Variants in R3HDM1 observed in about 807,000 individuals in gnomAD.
R3HDM1 encodes the protein R3H domain-containing protein 1.
In R3HDM1, 46 loss-of-function variants were observed where a neutral mutation model predicts 141.1. The observed-to-expected ratio is 0.33, with a 90% CI of 0.26 to 0.42. R3HDM1 has a LOEUF of 0.42. Among genes scored for constraint, R3HDM1 ranks in the 10% least tolerant of loss-of-function variants. The pLI is 1.00. For synonymous variants in R3HDM1, 435 were observed against 472.9 expected (o/e 0.92, Z 1.04); for missense variants, 1,184 against 1,368.3 (o/e 0.87, Z 2.12).
At chr2:135,587,665 AT>A in intron 1 of R3HDM1, among the ~76,000 whole-genome samples, 1 of 152,180 alleles carries the variant, frequency 6.6e-6, no homozygotes, top group Non-Finnish European at 1.5e-5. Flanking sequence ...AAAAGAAAAA[AT>A]TAAAATAAGC....
At chr2:135,534,674 C>T (rs1260268772) in intron 1 of R3HDM1, among the ~76,000 whole-genome samples, 1 of 152,150 alleles carries the variant, frequency 6.6e-6, no homozygotes, top group Admixed American at 6.5e-5. Context: ...ATATGGTGGG[C>T]CTCCGAAGTC....
intron 3 of R3HDM1, among the ~76,000 whole-genome samples, chr2:135,614,815 CTTT>C (rs139013636): frequency 6.7e-6 from 1 of 149,306 alleles, no homozygotes; most frequent in East Asian, 1.9e-4. Flanking sequence ...TTTTCTCTCT[CTTT>C]TTTTTTTCCT....
intron 1 of R3HDM1, among the ~76,000 whole-genome samples, chr2:135,553,726 C>T (rs879705564): frequency 6.6e-6 from 1 of 152,240 alleles, no homozygotes; most frequent in African/African-American, 2.4e-5. Context: ...GAGTCTCACT[C>T]TGTCGCCCAG....
chr2:135,673,643 T>G (rs535946627), intron 19 of R3HDM1, among the ~76,000 whole-genome samples: 1 of 152,316 alleles, frequency 6.6e-6, no homozygotes, highest in Admixed American at 6.5e-5. Context: ...TATCAATCAC[T>G]TTATTACAGA....
intron 1 of R3HDM1, among the ~76,000 whole-genome samples, chr2:135,598,174 G>A (rs1006251929): frequency 3.9e-5 from 6 of 152,096 alleles, no homozygotes; most frequent in Admixed American, 2.0e-4. Flanking sequence ...CCTTCTCATT[G>A]TTCCTTAGCC....
At chr2:135,607,890 T>G (rs1369644232) in intron 3 of R3HDM1, 3 of 981,974 alleles carry the variant, frequency 3.1e-6, no homozygotes, top group Non-Finnish European at 3.6e-6. Context: ...ATGGGTATGG[T>G]CTTTGACCTC....
chr2:135,635,840 AT>A lies in R3HDM1; in HGVS notation c.699-48del, dbSNP rs1283573662. 6 of 1,532,068 alleles carry A rather than the reference AT, an allele frequency of 3.9e-6. No individual in the cohort carries two copies. In the African/African-American group the frequency reaches 5.6e-5, roughly 14 times the overall value. 94.9% of individuals were successfully genotyped at this position (1,532,068 alleles called of 1,614,324 possible). On this transcript the variant is annotated intron_variant, in intron 9 of 26. Transcript: ENST00000683871. ...TGTTATGTTTAACTTCTTTGCTAAT[AT>A]TGTTCATTATCTTTTCCTGTTCCTT...
intron 1 of R3HDM1, 110 bp from the exon 2 acceptor site, chr2:135,602,390 T>C (rs947775835): frequency 5.2e-6 from 4 of 767,316 alleles, no homozygotes; most frequent in Non-Finnish European, 7.1e-6. Flanking sequence ...TTTAGGAAAA[T>C]AATGTAATAA....
At chr2:135,645,334 A>G (rs756945614) in intron 15 of R3HDM1, 45 bp from the exon 16 acceptor site, 1 of 1,505,212 alleles carries the variant, frequency 6.6e-7, no homozygotes, top group Non-Finnish European at 9.1e-7. Flanking sequence ...CCTATTTTCC[A>G]CCTGTATTCT....
Position 135,656,012 on chromosome 2 carries a change from T to C in R3HDM1, c.2028+3980T>C, listed in dbSNP as rs1038001685. ...GATGTTTTTTCGTTTACTCTGGTCA[T>C]CATTGATTTCATATTCTATTGTTTT... On this transcript the variant is annotated intron_variant, in intron 18 of 26. Coordinates refer to ENST00000683871, the MANE Select transcript of R3HDM1 (RefSeq NM_001378107.1). 2.2e-4 allele frequency among the ~76,000 whole-genome samples: 34 copies of C among 152,342 alleles called. No individual in the cohort carries two copies. In the East Asian group the frequency reaches 6.5e-3, roughly 29 times the overall value.
chr2:135,666,032 T>C (rs928958626), intron 19 of R3HDM1, among the ~76,000 whole-genome samples: 1 of 152,228 alleles, frequency 6.6e-6, no homozygotes, highest in Non-Finnish European at 1.5e-5. Flanking sequence ...ATGTATTATA[T>C]CTTTAGTCTT....
At chr2:135,653,927 T>C (rs1375368402) in intron 18 of R3HDM1, among the ~76,000 whole-genome samples, 1 of 152,176 alleles carries the variant, frequency 6.6e-6, no homozygotes, top group East Asian at 1.9e-4. Context: ...TGTTCAGGGT[T>C]CTTTTGTGGG....
intron 18 of R3HDM1, among the ~76,000 whole-genome samples, chr2:135,657,318 G>T (rs376160080): frequency 6.6e-6 from 1 of 151,498 alleles, no homozygotes; most frequent in Non-Finnish European, 1.5e-5. Context: ...GACTGAGGCA[G>T]GATAATTGCT....
chr2:135,675,626 C>A, intron 20 of R3HDM1, 140 bp downstream of exon 20: 1 of 877,950 alleles, frequency 1.1e-6, no homozygotes, highest in Non-Finnish European at 1.6e-6. Flanking sequence ...ACAGGAAAAA[C>A]ACTTCTGTAA....
intron 19 of R3HDM1, among the ~76,000 whole-genome samples, chr2:135,673,696 C>G (rs1486114107): frequency 2.6e-5 from 4 of 152,280 alleles, no homozygotes; most frequent in African/African-American, 9.6e-5. Context: ...CAAAGTTAGA[C>G]TGGTGAGAAG....
intron 23 of R3HDM1, among the ~76,000 whole-genome samples, chr2:135,713,384 C>G (rs2075865547): frequency 6.6e-6 from 1 of 152,158 alleles, no homozygotes; most frequent in Non-Finnish European, 1.5e-5. Context: ...CTGGGACTCT[C>G]TTTGTGGTAG....
At chr2:135,639,195 C>T (rs776819651) in intron 14 of R3HDM1, 73 bp downstream of exon 14, 2 of 1,396,590 alleles carry the variant, frequency 1.4e-6, no homozygotes, top group Non-Finnish European at 2.0e-6. Context: ...CCTTATTTAT[C>T]AGATGGCTTC....
chr2:135,553,535 G>A (rs1472344755), intron 1 of R3HDM1, among the ~76,000 whole-genome samples: 2 of 152,160 alleles, frequency 1.3e-5, no homozygotes, highest in Non-Finnish European at 2.9e-5. Context: ...TTGAATGTCG[G>A]TCAAGCTGAT....
rs755184385 is a variant in R3HDM1, at chr2:135,622,637, GTGT to G, written c.419-9_419-7del. On this transcript the variant is annotated splice_polypyrimidine_tract_variant and intron_variant, in intron 6 of 26. Transcript: ENST00000683871. ...TCAAACAACTTTATACTGGGTTTTT[GTGT>G]TGTTGTTTTTTAGATTCCAGTCAAG... The G allele has an allele frequency of 6.3e-7, 1 of 1,584,844 alleles. No individual in the cohort carries two copies. The highest frequency in any genetic ancestry group is 1.2e-5 in the South Asian group (1 of 86,172).
Sources: gnomAD v4.1 joint callset for allele counts (sites outside exome capture counted in the v4.1 genomes callset) on GRCh38, gnomAD v4.1.1 for gene constraint, MANE v1.5 for transcripts, NCBI Gene and HGNC (gene_info 2026-07-23, HGNC 2026-07-21) for gene names.